Variants in SNX14 observed in about 807,000 individuals in gnomAD.
The protein encoded by SNX14 is sorting nexin-14.
In SNX14, 93 loss-of-function variants were observed where a neutral mutation model predicts 133.8. That is an observed-to-expected ratio of 0.70 (90% CI 0.59 to 0.83). SNX14 has a LOEUF of 0.83. Among genes scored for constraint, SNX14 ranks in the 40% least tolerant of loss-of-function variants. The pLI is 0.00. For missense variants in SNX14, 945 were observed against 1,094.9 expected (o/e 0.86, Z 1.93); for synonymous variants, 368 against 365.6 (o/e 1.01, Z -0.07).
At chr6:85,530,303 TAACA>T in intron 18 of SNX14, 28 bp from the exon 19 acceptor site, 1 of 1,356,686 alleles carries the variant, frequency 7.4e-7, no homozygotes, top group Non-Finnish European at 1.0e-6. Flanking sequence ...ACACACTGAG[TAACA>T]AATAATTTCA....
intron 19 of SNX14, among the ~76,000 whole-genome samples, chr6:85,529,531 A>G (rs1779593252): frequency 6.6e-6 from 1 of 152,248 alleles, no homozygotes; most frequent in African/African-American, 2.4e-5. Context: ...AGTAGTTTTC[A>G]GAGAAAGAAC....
Position 85,508,037 on chromosome 6 carries a change from A to C in SNX14, c.2676T>G (p.Gly892=). 6.2e-7 allele frequency: 1 copy of C among 1,612,800 alleles called. No individual in the cohort carries two copies. Among genetic ancestry groups the C allele is most frequent in the Non-Finnish European group, 8.5e-7 (1 of 1,179,306 alleles). ...YIPDLLVKCI[G]EETKYESIRL... ...TGATGCTTTCATACTTGGTTTCTTCACCAATACACTTGACTAACAGATCTA... is the reference window on the plus strand; with the variant it reads ...TGATGCTTTCATACTTGGTTTCTTCCCCAATACACTTGACTAACAGATCTA... The change falls in exon 27 of 29, where the codon GGT becomes GGG. Residue 892 remains glycine (G), a synonymous_variant. Transcript: ENST00000314673.
intron 1 of SNX14, among the ~76,000 whole-genome samples, chr6:85,584,563 A>T (rs1800048977): frequency 6.6e-6 from 1 of 152,182 alleles, no homozygotes; most frequent in African/African-American, 2.4e-5. Context: ...AAAAAAACAA[A>T]CAACCCCATC....
At chr6:85,559,957 T>C (rs1035139292) in intron 6 of SNX14, among the ~76,000 whole-genome samples, 2 of 152,146 alleles carry the variant, frequency 1.3e-5, no homozygotes, top group East Asian at 3.8e-4. Context: ...TCACATATAC[T>C]AGGATGGTTA....
At chr6:85,508,714 G>A (rs1168469062) in intron 26 of SNX14, among the ~76,000 whole-genome samples, 1 of 152,048 alleles carries the variant, frequency 6.6e-6, no homozygotes. Context: ...AGGGTCCAAC[G>A]AGTTCAGATT....
intron 7 of SNX14, among the ~76,000 whole-genome samples, chr6:85,553,602 G>C (rs959616342): frequency 9.2e-5 from 14 of 152,046 alleles, no homozygotes; most frequent in African/African-American, 3.4e-4. Context: ...GGCTAACACG[G>C]TGAAACCCCG....
chr6:85,548,989 GA>G (rs1469990858), intron 8 of SNX14, among the ~76,000 whole-genome samples: 3 of 16,430 alleles, frequency 1.8e-4, no homozygotes, highest in Non-Finnish European at 3.0e-4. Context: ...AAAAAAAAAA[GA>G]AAGAAAGAAA....
In SNX14 at chr6:85,530,251, G is replaced by C; in HGVS notation, c.1835C>G (p.Ser612Cys). Residue 612 changes from serine (S) to cysteine (C), a missense_variant, in exon 19 of 29, where the codon TCT becomes TGT. Ser to Cys is a moderately radical substitution (Grantham distance 112, BLOSUM62 -1). Around this residue, in one of 3 missense-constraint regions of SNX14, gnomAD observed 412 missense variants for 516.6 expected, o/e 0.80. Coordinates refer to ENST00000314673, the MANE Select transcript of SNX14 (RefSeq NM_153816.6). ...RAVGHEPEHW[S>C]VYRRYLEFYV... is the part of the protein sequence containing the mutation. ...GAATTCAAGATATCTTCTATAGACA[G>C]ACCAATGTTCAGGCTCGTGTCCAAC... 1.9e-6 allele frequency: 3 copies of C among 1,601,408 alleles called. No homozygotes were observed. The East Asian group carries it at 6.8e-5, about 36-fold the overall frequency.
intron 9 of SNX14, 95 bp downstream of exon 9, chr6:85,548,206 C>T (rs1343939310): frequency 1.2e-6 from 1 of 838,596 alleles, no homozygotes. Flanking sequence ...TGAATGTTTT[C>T]AGTATCACTG....
At chr6:85,521,622 T>C (rs1231607649) in intron 21 of SNX14, among the ~76,000 whole-genome samples, 1 of 152,254 alleles carries the variant, frequency 6.6e-6, no homozygotes, top group Non-Finnish European at 1.5e-5. Context: ...CTCTTCACTC[T>C]GCTGCTTGTT....
rs1197884696 is a variant in SNX14 at position 85,558,010 on chromosome 6, C to T, written c.600G>A (p.Lys200=). The change falls in exon 7 of 29, where the codon AAG becomes AAA. Residue 200 remains lysine (K), a synonymous_variant. Coordinates refer to ENST00000314673, the MANE Select transcript of SNX14 (RefSeq NM_153816.6). ...ITKKLLKAAM[K]HIEVIVKARQ... ...TGGCTTTAACTATCACTTCTATATG[C>T]TTCATTGCTGCTTTTAATAGTTTCT... The T allele has an allele frequency of 1.3e-6, 2 of 1,595,152 alleles. No individual in the cohort carries two copies. Among genetic ancestry groups the T allele is most frequent in the Admixed American group, 1.7e-5 (1 of 59,256 alleles).
intron 4 of SNX14, chr6:85,567,812 G>T: frequency 3.5e-6 from 1 of 286,710 alleles, no homozygotes; most frequent in East Asian, 1.1e-4. Flanking sequence ...ATGAAACCCT[G>T]TATCTACAAA....
In SNX14 at chr6:85,558,938, A is replaced by G. The variant is rs1582918886; in HGVS notation, c.550-878T>C. ...TTATATGCACATGCAGAAAACAGGA[A>G]AAAAAAAAAACTAAAAATAAATTAT... On this transcript the variant is annotated intron_variant, in intron 6 of 28. Transcript: ENST00000314673. Among the ~76,000 whole-genome samples, 3 of 12,954 alleles carry G rather than the reference A, an allele frequency of 2.3e-4. No homozygotes were observed. The African/African-American group carries it at 9.9e-3, about 43-fold the overall frequency. 8.5% of individuals were successfully genotyped at this position (12,954 alleles called of 152,430 possible).
At position 85,547,337 on chromosome 6, in the gene SNX14, G is replaced by T. The variant is rs770199954; in HGVS notation, c.973C>A (p.Pro325Thr). 1 of 1,613,432 alleles carries T rather than the reference G, an allele frequency of 6.2e-7. No homozygotes were observed. The highest frequency in any genetic ancestry group is 2.2e-5 in the East Asian group (1 of 44,860). Residue 325 changes from proline to threonine, a missense_variant, in exon 11 of 29, where the codon CCT becomes ACT. By Grantham distance (38) the Pro-to-Thr change is conservative. Around this residue, in one of 3 missense-constraint regions of SNX14, gnomAD observed 514 missense variants for 538.8 expected, o/e 0.95. Coordinates refer to ENST00000314673, the MANE Select transcript of SNX14 (RefSeq NM_153816.6). ...CTTACAGATGGCTTTTTATTTCTAG[G>T]TTCTGCAAATTTCTGCAAGAATGGA... ...LVPFLQKFAE[P>T]RNKKPSVLKL...
intron 23 of SNX14, among the ~76,000 whole-genome samples, chr6:85,517,130 T>C (rs1189091104): frequency 1.3e-5 from 2 of 152,232 alleles, no homozygotes; most frequent in African/African-American, 4.8e-5. Flanking sequence ...ATGTTAAGTC[T>C]AGCAAGACGA....
intron 7 of SNX14, among the ~76,000 whole-genome samples, chr6:85,553,499 T>C (rs769726605): frequency 6.6e-5 from 10 of 152,040 alleles, no homozygotes; most frequent in Non-Finnish European, 5.9e-5. Flanking sequence ...AGAATCTGTA[T>C]CAGGCCAGGC....
At chr6:85,535,802 AC>A (rs1300475126) in intron 17 of SNX14, among the ~76,000 whole-genome samples, 1 of 151,940 alleles carries the variant, frequency 6.6e-6, no homozygotes, top group African/African-American at 2.4e-5. Flanking sequence ...AAAAGGGTTT[AC>A]TCCTGTCACC....
chr6:85,508,503 G>C, intron 26 of SNX14: 15 of 412,358 alleles, frequency 3.6e-5, no homozygotes, highest in Non-Finnish European at 4.6e-5. Context: ...CTTCTACCCA[G>C]TGGGCAGAAG....
At chr6:85,519,128 T>C (rs1185678290) in intron 21 of SNX14, among the ~76,000 whole-genome samples, 1 of 152,212 alleles carries the variant, frequency 6.6e-6, no homozygotes, top group Non-Finnish European at 1.5e-5. Flanking sequence ...TAACCAGGAA[T>C]ACCCAATCTC....
Sources: allele counts gnomAD v4.1 joint callset (sites outside exome capture counted in the v4.1 genomes callset), GRCh38; gene constraint gnomAD v4.1.1; regional missense constraint gnomAD v4.1.1; transcripts MANE v1.5; gene names NCBI Gene and HGNC (gene_info 2026-07-23, HGNC 2026-07-21).